CADM2: variants seen among roughly 807,000 people sequenced by gnomAD.
CADM2 encodes the protein immunoglobulin superfamily member 4D.
In CADM2, 12 loss-of-function variants were observed where a neutral mutation model predicts 49.8. The observed-to-expected ratio is 0.24, with a 90% CI of 0.15 to 0.39. The LOEUF (loss-of-function observed/expected upper bound fraction) is 0.39, where lower values mean the gene tolerates loss of function less well. CADM2 is among the 10% of genes least tolerant of loss of function. CADM2 has a pLI of 1.00. For missense variants in CADM2, 378 were observed against 492.3 expected, an observed-to-expected ratio of 0.77 and a Z score of 2.20; for synonymous variants, 214 against 175.4, an observed-to-expected ratio of 1.22 and a Z score of -1.74.
At chr3:85,710,769 C>T (rs979881484) in intron 1 of CADM2, among the ~76,000 whole-genome samples, 7 of 152,068 alleles carry the variant, frequency 4.6e-5, no homozygotes, top group Admixed American at 1.3e-4. Context: ...AGTAATGCTT[C>T]CTAGTTTTAA....
intron 1 of CADM2, among the ~76,000 whole-genome samples, chr3:85,041,641 C>T (rs968687806): frequency 6.6e-6 from 1 of 152,154 alleles, no homozygotes; most frequent in African/African-American, 2.4e-5. Context: ...CTAGTTCCTG[C>T]ACAATTTCCT....
At chr3:85,192,081 C>G (rs891252165) in intron 1 of CADM2, among the ~76,000 whole-genome samples, 10 of 151,128 alleles carry the variant, frequency 6.6e-5, no homozygotes, top group African/African-American at 2.4e-4. Context: ...TTATTGACAA[C>G]TTATAATAAA....
chr3:85,275,921 A>G lies in CADM2; in HGVS notation c.61+316253A>G, dbSNP rs527305514. The stretch of plus-strand genomic sequence containing the variant: ...AGGGTCATTATGTGTGAGCCACAGT[A>G]TTATGTAAAAATGAGAACTATTATT... On this transcript the variant is annotated intron_variant, in intron 1 of 9. Transcript: ENST00000383699. 2.0e-5 allele frequency among the ~76,000 whole-genome samples: 3 copies of G among 151,370 alleles called. No homozygotes were observed. In the South Asian group the frequency reaches 6.2e-4, roughly 31 times the overall value.
rs138701586 is a variant in CADM2 at position 85,041,560 on chromosome 3, G to A, written c.61+81892G>A. Among the ~76,000 whole-genome samples the A allele has an allele frequency of 1.7e-4, 26 of 152,262 alleles. No individual in the cohort carries two copies. The East Asian group carries it at 4.8e-3, about 28-fold the overall frequency. On this transcript the variant is annotated intron_variant, in intron 1 of 9. Coordinates refer to ENST00000383699, the MANE Select transcript of CADM2 (RefSeq NM_001167675.2). Reference sequence around the variant, plus strand: ...TTCCACCTTTATATGTAGTGCATATGTTCTGTTTTGTCTTCCAGGTACCAA... The same window carrying A: ...TTCCACCTTTATATGTAGTGCATATATTCTGTTTTGTCTTCCAGGTACCAA...
At chr3:85,267,662 T>C (rs2043150593) in intron 1 of CADM2, among the ~76,000 whole-genome samples, 1 of 151,626 alleles carries the variant, frequency 6.6e-6, no homozygotes, top group African/African-American at 2.4e-5. Context: ...GTCTGGTATA[T>C]ACTATGTTAA....
chr3:85,704,703 A>G (rs1044111284), intron 1 of CADM2, among the ~76,000 whole-genome samples: 11 of 152,084 alleles, frequency 7.2e-5, no homozygotes, highest in African/African-American at 9.7e-5. Context: ...TTTAGGCTAT[A>G]GCACCTTAAA....
At chr3:85,389,461 CT>C (rs1055495709) in intron 1 of CADM2, among the ~76,000 whole-genome samples, 25 of 152,106 alleles carry the variant, frequency 1.6e-4, no homozygotes, top group African/African-American at 5.8e-4. Flanking sequence ...TGATAATGAG[CT>C]AGCTAATTTA....
intron 8 of CADM2, among the ~76,000 whole-genome samples, chr3:86,039,546 A>C (rs534581547): frequency 6.6e-6 from 1 of 152,280 alleles, no homozygotes; most frequent in South Asian, 2.1e-4. Flanking sequence ...AGGGGTGCCC[A>C]CCATTGCCTA....
intron 2 of CADM2, 33 bp downstream of exon 2, chr3:85,726,581 T>C: frequency 6.4e-7 from 1 of 1,560,866 alleles, no homozygotes; most frequent in Non-Finnish European, 8.8e-7. Context: ...TGAGTCATCA[T>C]CATTCATTTT....
At chr3:85,803,327 G>A (rs2072173228) in intron 3 of CADM2, among the ~76,000 whole-genome samples, 1 of 151,988 alleles carries the variant, frequency 6.6e-6, no homozygotes, top group Non-Finnish European at 1.5e-5. Flanking sequence ...GCCTTTTTAG[G>A]GAATACAGTG....
chr3:85,098,704 G>T (rs1305560350), intron 1 of CADM2, among the ~76,000 whole-genome samples: 2 of 152,168 alleles, frequency 1.3e-5, no homozygotes, highest in Admixed American at 6.6e-5. Context: ...CCAAATATGT[G>T]CATACAGAAG....
chr3:85,572,080 T>C (rs2062495562), intron 1 of CADM2, among the ~76,000 whole-genome samples: 1 of 152,130 alleles, frequency 6.6e-6, no homozygotes. Context: ...GTGGATCACA[T>C]GAGGTCAGGA....
chr3:85,583,836 A>G (rs2062861261), intron 1 of CADM2, among the ~76,000 whole-genome samples: 1 of 152,036 alleles, frequency 6.6e-6, no homozygotes, highest in South Asian at 2.1e-4. Context: ...CCATTCAAAA[A>G]TAAGCAGAAT....
At chr3:85,875,460 T>G (rs1467598274) in intron 3 of CADM2, among the ~76,000 whole-genome samples, 1 of 152,230 alleles carries the variant, frequency 6.6e-6, no homozygotes, top group Non-Finnish European at 1.5e-5. Context: ...CTTAGACTTC[T>G]GATCCTTTTT....
At chr3:85,626,225 G>A (rs1317383454) in intron 1 of CADM2, among the ~76,000 whole-genome samples, 1 of 151,972 alleles carries the variant, frequency 6.6e-6, no homozygotes, top group Non-Finnish European at 1.5e-5. Flanking sequence ...AAAGGGAAAT[G>A]ATTAAATGAT....
chr3:85,534,933 G>T (rs374280184), intron 1 of CADM2, among the ~76,000 whole-genome samples: 7 of 152,032 alleles, frequency 4.6e-5, no homozygotes, highest in Non-Finnish European at 8.8e-5. Context: ...TAAATTTTGG[G>T]AATGCTGAGT....
chr3:85,055,020 T>G (rs2036026582), intron 1 of CADM2, among the ~76,000 whole-genome samples: 1 of 151,896 alleles, frequency 6.6e-6, no homozygotes, highest in Non-Finnish European at 1.5e-5. Context: ...CTGAAAGTGT[T>G]TTCATTTTGT....
chr3:85,653,561 G>A (rs1166514812), intron 1 of CADM2, among the ~76,000 whole-genome samples: 1 of 151,810 alleles, frequency 6.6e-6, no homozygotes, highest in Non-Finnish European at 1.5e-5. Flanking sequence ...ATTTGTCAGG[G>A]GAGAATGATC....
chr3:85,682,590 A>G (rs1019410210), intron 1 of CADM2, among the ~76,000 whole-genome samples: 1 of 152,138 alleles, frequency 6.6e-6, no homozygotes, highest in Non-Finnish European at 1.5e-5. Flanking sequence ...GACATTGTGT[A>G]TAAATTATTA....
Sources: gnomAD v4.1 joint callset for allele counts (sites outside exome capture counted in the v4.1 genomes callset) on GRCh38, gnomAD v4.1.1 for gene constraint, MANE v1.5 for transcripts, NCBI Gene and HGNC (gene_info 2026-07-23, HGNC 2026-07-21) for gene names.